Variants in TMCC2 observed in about 807,000 individuals in gnomAD.
TMCC2 encodes transmembrane and coiled-coil domain family 2.
A neutral mutation model predicts 49.4 loss-of-function variants in TMCC2; 16 were observed. The observed-to-expected ratio is 0.32, with a 90% CI of 0.22 to 0.49. The LOEUF (loss-of-function observed/expected upper bound fraction) is 0.49. Among genes scored for constraint, TMCC2 ranks in the 20% least tolerant of loss-of-function variants. The pLI, the probability that TMCC2 is intolerant of heterozygous loss-of-function variation, is 0.99. For missense variants in TMCC2, 762 were observed against 989.8 expected (o/e 0.77, Z 3.09); for synonymous variants, 397 against 434.1 (o/e 0.91, Z 1.06).
rs1270374617 is a variant in TMCC2 at position 205,264,256 on chromosome 1, A to G, written c.748-4694A>G. On this transcript the variant is annotated intron_variant, in intron 2 of 4. Transcript: ENST00000358024. The surrounding 1 kb of genome is among the most constrained non-coding windows in gnomAD (Gnocchi z 4.2). Reference sequence around the variant, plus strand: ...TTAAATCATCTCTAGATTACGTACAATACCTAGTACAATGTAAATACTATG... The same window carrying G: ...TTAAATCATCTCTAGATTACGTACAGTACCTAGTACAATGTAAATACTATG... Among the ~76,000 whole-genome samples the G allele has an allele frequency of 6.6e-6, 1 of 152,258 alleles. No individual in the cohort carries two copies. Among genetic ancestry groups the G allele is most frequent in the African/African-American group, 2.4e-5 (1 of 41,464 alleles).
At chr1:205,261,080 A>G (rs1233212320) in intron 2 of TMCC2, among the ~76,000 whole-genome samples, 1 of 151,658 alleles carries the variant, frequency 6.6e-6, no homozygotes, top group Non-Finnish European at 1.5e-5. Context: ...AAGTAATTCT[A>G]TGTTAACTTT....
rs775035542 is a variant in TMCC2, at chr1:205,228,681, G to C, written c.117G>C (p.Thr39=). The C allele has an allele frequency of 7.4e-6, 12 of 1,612,876 alleles. No homozygotes were observed. Among genetic ancestry groups the C allele is most frequent in the South Asian group, 1.1e-5 (1 of 91,052 alleles). ...PGADLRPGET[T]GANSAGGPTS... Reference sequence around the variant, plus strand: ...CGGACCTCCGGCCTGGGGAGACCACGGGTGCTAACTCTGCTGGCGGGCCAA... The same window carrying C: ...CGGACCTCCGGCCTGGGGAGACCACCGGTGCTAACTCTGCTGGCGGGCCAA... The change falls in exon 1 of 5, where the codon ACG becomes ACC. Residue 39 remains threonine (T), a synonymous_variant. Coordinates refer to ENST00000358024, the MANE Select transcript of TMCC2 (RefSeq NM_014858.4).
chr1:205,266,135 G>A (rs1283850966), intron 2 of TMCC2, among the ~76,000 whole-genome samples: 1 of 151,548 alleles, frequency 6.6e-6, no homozygotes, highest in African/African-American at 2.4e-5. Flanking sequence ...CAGCTACTCG[G>A]GAGGCCGAGG....
At chr1:205,249,424 GGTTT>G (rs1660580696) in intron 2 of TMCC2, among the ~76,000 whole-genome samples, 2 of 152,234 alleles carry the variant, frequency 1.3e-5, no homozygotes, top group Admixed American at 6.5e-5. Flanking sequence ...CAGGGGCCTT[GGTTT>G]GTTTATGTCT....
intron 2 of TMCC2, among the ~76,000 whole-genome samples, chr1:205,253,948 C>A (rs571368854): frequency 6.6e-6 from 1 of 152,134 alleles, no homozygotes; most frequent in African/African-American, 2.4e-5. Flanking sequence ...TCCTATGTAC[C>A]ATTTGCAGCT....
In TMCC2 at chr1:205,269,173, C is replaced by T. The variant is rs749007820; in HGVS notation, c.971C>T (p.Ala324Val). Reference protein sequence around the residue: ...VAEYLKLANNADKQQVSRIKQ... With the variant: ...VAEYLKLANNVDKQQVSRIKQ... ...GAGTATCTGAAACTGGCCAACAACG[C>T]GGACAAGCAGCAGGTGTCACGCATC... is the stretch of plus-strand genomic sequence containing the variant. The change falls in exon 3 of 5, where the codon GCG becomes GTG. Residue 324 changes from alanine to valine, a missense_variant. Physicochemically the swap from Ala to Val is moderately conservative, Grantham distance 64. Coordinates refer to ENST00000358024, the MANE Select transcript of TMCC2 (RefSeq NM_014858.4). 26 of 1,613,972 alleles carry T rather than the reference C, an allele frequency of 1.6e-5. No homozygotes were observed. Among genetic ancestry groups the T allele is most frequent in the East Asian group, 8.9e-5 (4 of 44,888 alleles).
At chr1:205,236,999 A>G (rs1207926290) in intron 1 of TMCC2, 1 of 152,134 alleles carries the variant, frequency 6.6e-6, no homozygotes, top group Non-Finnish European at 1.5e-5. Context: ...AAAATTGAGA[A>G]TGGGGGAATT....
intron 1 of TMCC2, among the ~76,000 whole-genome samples, chr1:205,240,321 A>G (rs548000060): frequency 6.6e-6 from 1 of 152,386 alleles, no homozygotes; most frequent in Non-Finnish European, 1.5e-5. Context: ...CCGGAAGAGC[A>G]GCTGGAGAAT....
chr1:205,247,698 C>G (rs1304075794), intron 2 of TMCC2, among the ~76,000 whole-genome samples: 1 of 152,174 alleles, frequency 6.6e-6, no homozygotes. Flanking sequence ...GCCCCACATG[C>G]TCTCTGCAAG....
chr1:205,258,552 G>A (rs1159387552), intron 2 of TMCC2, among the ~76,000 whole-genome samples: 1 of 152,048 alleles, frequency 6.6e-6, no homozygotes, highest in Non-Finnish European at 1.5e-5. Context: ...CAGCTGTGAT[G>A]ACACATCCAG....
chr1:205,229,463 G>A (rs1659693576), intron 1 of TMCC2, among the ~76,000 whole-genome samples: 1 of 150,084 alleles, frequency 6.7e-6, no homozygotes, highest in South Asian at 2.1e-4. Flanking sequence ...TGGGATTACA[G>A]GCGTGAGCCA....
At chr1:205,265,206 C>T (rs894538446) in intron 2 of TMCC2, among the ~76,000 whole-genome samples, 2 of 152,290 alleles carry the variant, frequency 1.3e-5, no homozygotes, top group South Asian at 4.1e-4. Flanking sequence ...GGCTTCAGCC[C>T]AGGCCTCTGC....
intron 1 of TMCC2, chr1:205,234,070 A>G (rs1659923146): frequency 6.6e-6 from 1 of 152,136 alleles, no homozygotes; most frequent in Non-Finnish European, 1.5e-5. Context: ...TAAGGCTTGA[A>G]GATTCCTGCA....
At chr1:205,249,553 AG>A (rs1440072346) in intron 2 of TMCC2, among the ~76,000 whole-genome samples, 1 of 152,206 alleles carries the variant, frequency 6.6e-6, no homozygotes, top group Admixed American at 6.5e-5. Flanking sequence ...CTTGTAGGCC[AG>A]GTTGCATGGG....
intron 2 of TMCC2, among the ~76,000 whole-genome samples, chr1:205,247,208 G>T (rs1043314490): frequency 3.3e-5 from 5 of 152,164 alleles, no homozygotes; most frequent in Non-Finnish European, 5.9e-5. Flanking sequence ...CAGAGCAGGT[G>T]TTATCTCCAT....
intron 2 of TMCC2, among the ~76,000 whole-genome samples, chr1:205,253,655 A>G (rs1660754974): frequency 6.6e-6 from 1 of 152,246 alleles, no homozygotes. Context: ...TTTCTTTGCA[A>G]AAGAAGAGCT....
At chr1:205,266,085 C>T (rs1157445408) in intron 2 of TMCC2, among the ~76,000 whole-genome samples, 84 of 148,948 alleles carry the variant, frequency 5.6e-4, no homozygotes, top group African/African-American at 2.0e-3. Flanking sequence ...ACTAAAAATA[C>T]AAAAAATTAG....
chr1:205,230,778 C>T (rs993257923), intron 1 of TMCC2, among the ~76,000 whole-genome samples: 7 of 152,144 alleles, frequency 4.6e-5, no homozygotes, highest in African/African-American at 7.2e-5. Flanking sequence ...TGTAGAGGGA[C>T]GCCTTAAGGG....
At chr1:205,228,963 C>T in intron 1 of TMCC2, 192 bp downstream of exon 1, 1 of 1,405,574 alleles carries the variant, frequency 7.1e-7, no homozygotes, top group East Asian at 2.5e-5. Context: ...AGCTCCGTGT[C>T]AGGTCTCTGT....
Sources: gnomAD v4.1 joint callset for allele counts (sites outside exome capture counted in the v4.1 genomes callset) on GRCh38, gnomAD v4.1.1 for gene constraint, Gnocchi (gnomAD v3.1) non-coding constraint, MANE v1.5 for transcripts, NCBI Gene and HGNC (gene_info 2026-07-23, HGNC 2026-07-21) for gene names.